Variants in STYXL1 observed in about 807,000 individuals in gnomAD.
STYXL1 encodes serine/threonine/tyrosine-interacting-like protein 1.
In STYXL1, 32 loss-of-function variants were observed where a neutral mutation model predicts 36.4. The ratio of observed to expected loss-of-function variants is 0.88; its 90% confidence interval spans 0.66 to 1.18. STYXL1 has a LOEUF of 1.18. Among genes scored for constraint, STYXL1 ranks in the 50% most tolerant of loss-of-function variants. The pLI is 0.00. For synonymous variants in STYXL1, 133 were observed against 144.1 expected (o/e 0.92, Z 0.55); for missense variants, 354 against 394.1 (o/e 0.90, Z 0.86).
In STYXL1 at chr7:76,042,390, CTTTTTTTTTTTTT is replaced by C. The variant is rs528469396; in HGVS notation, c.-5+5259_-5+5271del. On this transcript the variant is annotated intron_variant, in intron 1 of 8. Transcript: ENST00000359697. The stretch of plus-strand genomic sequence containing the variant: ...ACTGCTCCCTGGGTGCCCTTATGTG[CTTTTTTTTTTTTT>C]TTTTTTTTTTTTTTTTTTTAAGATG... 8.2e-3 allele frequency among the ~76,000 whole-genome samples: 345 copies of C among 41,834 alleles called. 9 individuals carry two copies. The highest frequency in any genetic ancestry group is 0.02 in the African/African-American group (321 of 15,870). 27.4% of individuals were successfully genotyped at this position (41,834 alleles called of 152,430 possible). A position where few individuals can be genotyped will look rare whatever the true frequency, so the allele number is the denominator to read the frequency against.
intron 8 of STYXL1, chr7:76,000,597 T>G: frequency 1.9e-6 from 1 of 524,736 alleles, no homozygotes; most frequent in Non-Finnish European, 3.7e-6. Flanking sequence ...CAGTTCTCCC[T>G]TGGGCAACAC....
rs117990877 is a variant in STYXL1, at chr7:76,005,493, C to T, written c.454-89G>A. The T allele has an allele frequency of 2.4e-3, 3,046 of 1,283,956 alleles. 5 individuals are homozygous for T. Among genetic ancestry groups the T allele is most frequent in the Non-Finnish European group, 2.9e-3 (2,655 of 908,404 alleles). 79.5% of individuals were successfully genotyped at this position (1,283,956 alleles called of 1,614,324 possible). A position where few individuals can be genotyped will look rare whatever the true frequency, so the allele number is the denominator to read the frequency against. On this transcript the variant is annotated intron_variant, in intron 5 of 8. Coordinates refer to ENST00000359697, the MANE Select transcript of STYXL1 (RefSeq NM_001317785.2). ...CTTGAAACACAGCTCAGCAAACGAGCGTAAAAGGGCAGTTCCAGGACAGTG... is the reference window on the plus strand; with the variant it reads ...CTTGAAACACAGCTCAGCAAACGAGTGTAAAAGGGCAGTTCCAGGACAGTG...
chr7:75,999,434 T>C (rs1414561222), intron 8 of STYXL1, among the ~76,000 whole-genome samples: 3 of 152,148 alleles, frequency 2.0e-5, no homozygotes. Context: ...ATAATGTGAA[T>C]GTACTTAATG....
At chr7:76,030,583 C>T in intron 1 of STYXL1, 56 bp from the exon 2 acceptor site, 1 of 1,040,480 alleles carries the variant, frequency 9.6e-7, no homozygotes, top group Non-Finnish European at 1.5e-6. Context: ...GATGAATGAC[C>T]ACAAAGTAAT....
rs782534280 is a variant in STYXL1, at chr7:76,013,745, A to C, written c.450T>G (p.Pro150=). The C allele has an allele frequency of 1.2e-6, 2 of 1,613,730 alleles. No individual in the cohort carries two copies. The highest frequency in any genetic ancestry group is 1.7e-6 in the Non-Finnish European group (2 of 1,179,856). Residue 150 remains proline (P), a synonymous_variant, in exon 5 of 9, where the codon CCT becomes CCG. Transcript: ENST00000359697. ...TGTGCTCAGCATTTGGCCCTACCTG[A>C]GGCATCCAGATGATCTTCTGGGTCC... is the stretch of plus-strand genomic sequence containing the variant. ...FLRTQKIIWM[P]QELDAFQPYP... is the part of the protein sequence containing the mutation.
At chr7:76,021,616 C>A (rs1291027285) in intron 4 of STYXL1, among the ~76,000 whole-genome samples, 2 of 152,152 alleles carry the variant, frequency 1.3e-5, no homozygotes, top group African/African-American at 4.8e-5. Context: ...CCTCACCCTC[C>A]CCAATCCCCT....
intron 4 of STYXL1, 63 bp downstream of exon 4, chr7:76,021,788 C>T (rs1794105122): frequency 1.6e-6 from 2 of 1,244,110 alleles, no homozygotes; most frequent in African/African-American, 2.9e-5. Context: ...ACCTGTTGGT[C>T]CTATAACAAA....
rs531255923 is a variant in STYXL1 at position 75,996,367 on chromosome 7, TCTC to T, written c.*98_*100del. 101 of 1,607,066 alleles carry T rather than the reference TCTC, an allele frequency of 6.3e-5. No homozygotes were observed. The East Asian group carries it at 1.7e-3, about 28-fold the overall frequency. On this transcript the variant is annotated 3_prime_UTR_variant, in exon 9 of 9. Transcript: ENST00000359697. ...TGAGACTTTCAGGCAGCAAAGGCCT[TCTC>T]CTTCCAGACAAGCCTGGGTATACAC... is the stretch of plus-strand genomic sequence containing the variant.
chr7:76,005,894 G>GA (rs1791683439), intron 5 of STYXL1, among the ~76,000 whole-genome samples: 1 of 140,902 alleles, frequency 7.1e-6, no homozygotes. Context: ...AGGAGGAGGA[G>GA]GAGGAGAGAG....
chr7:76,018,260 A>G (rs1489924067), intron 4 of STYXL1, among the ~76,000 whole-genome samples: 1 of 151,860 alleles, frequency 6.6e-6, no homozygotes, highest in Admixed American at 6.6e-5. Flanking sequence ...CCACTTAACC[A>G]CTCATTTCTA....
chr7:76,031,013 T>C (rs1217750149), intron 1 of STYXL1, among the ~76,000 whole-genome samples: 17 of 151,262 alleles, frequency 1.1e-4, no homozygotes, highest in African/African-American at 3.9e-4. Context: ...ATACAAAAAT[T>C]AGTCAGGCAT....
intron 1 of STYXL1, among the ~76,000 whole-genome samples, chr7:76,031,331 CAAAAAA>C (rs60550486): frequency 1.7e-4 from 7 of 42,298 alleles, no homozygotes; most frequent in African/African-American, 3.7e-4. Context: ...ACTCTGTCTC[CAAAAAA>C]AAAAAAAAAA....
chr7:76,008,830 A>AC (rs1266934112), intron 5 of STYXL1, among the ~76,000 whole-genome samples: 1 of 152,008 alleles, frequency 6.6e-6, no homozygotes, highest in Non-Finnish European at 1.5e-5. Flanking sequence ...ACATAGTGAA[A>AC]CCCCATCTCT....
At chr7:75,998,205 T>C (rs1180584937) in intron 8 of STYXL1, among the ~76,000 whole-genome samples, 1 of 152,032 alleles carries the variant, frequency 6.6e-6, no homozygotes, top group Non-Finnish European at 1.5e-5. Context: ...ACTACAGTAA[T>C]CAAAACAGTA....
At chr7:76,032,852 G>T (rs782088138) in intron 1 of STYXL1, among the ~76,000 whole-genome samples, 1 of 152,164 alleles carries the variant, frequency 6.6e-6, no homozygotes, top group South Asian at 2.1e-4. Context: ...GGAAGAGGGA[G>T]GGGGAGAGAG....
chr7:76,008,198 T>G, intron 5 of STYXL1, among the ~76,000 whole-genome samples: 1 of 31,446 alleles, frequency 3.2e-5, no homozygotes, highest in East Asian at 1.1e-3. Context: ...AAACTCCATC[T>G]CAAAAAAAAA....
chr7:76,047,910 C>CA lies in STYXL1; in HGVS notation c.-254dup. On this transcript the variant is annotated 5_prime_UTR_variant, in exon 1 of 9. Coordinates refer to ENST00000359697, the MANE Select transcript of STYXL1 (RefSeq NM_001317785.2). Reference sequence around the variant, plus strand: ...CCTCCCACTCCGACCGCAGGTCCCCCACCGGCCACACAGACGGCTACGCTA... The same window carrying CA: ...CCTCCCACTCCGACCGCAGGTCCCCCAACCGGCCACACAGACGGCTACGCTA... 7.0e-7 allele frequency: 1 copy of CA among 1,420,818 alleles called. No individual in the cohort carries two copies. Among genetic ancestry groups the CA allele is most frequent in the Non-Finnish European group, 9.2e-7 (1 of 1,089,070 alleles). 88.0% of individuals were successfully genotyped at this position (1,420,818 alleles called of 1,614,324 possible).
intron 1 of STYXL1, among the ~76,000 whole-genome samples, chr7:76,035,397 G>A (rs1332508463): frequency 3.0e-5 from 4 of 131,960 alleles, no homozygotes; most frequent in African/African-American, 1.1e-4. Flanking sequence ...GGTTTCTGAG[G>A]GAAGGTCTTG....
At chr7:75,999,959 C>G (rs1435368038) in intron 8 of STYXL1, among the ~76,000 whole-genome samples, 1 of 151,862 alleles carries the variant, frequency 6.6e-6, no homozygotes, top group African/African-American at 2.4e-5. Flanking sequence ...GAGGAAGAAT[C>G]GTAAACCACC....
Sources: gnomAD v4.1 joint callset for allele counts (sites outside exome capture counted in the v4.1 genomes callset) on GRCh38, gnomAD v4.1.1 for gene constraint, MANE v1.5 for transcripts, NCBI Gene and HGNC (gene_info 2026-07-23, HGNC 2026-07-21) for gene names.